The following ARHGAP42 variants were observed in gnomAD, a reference collection of about 807,000 sequenced individuals.
ARHGAP42 encodes the protein Rho GTPase activating protein 42.
Under a neutral mutation model 125.0 loss-of-function variants are expected in ARHGAP42, and 63 were observed. That is an observed-to-expected ratio of 0.50 (90% CI 0.41 to 0.62). The LOEUF is 0.62. Ranked by LOEUF, ARHGAP42 falls within the 20% of genes least tolerant of loss-of-function variation. The pLI is 0.00. For missense variants in ARHGAP42, 766 were observed against 1,024.2 expected (o/e 0.75, Z 3.44); for synonymous variants, 339 against 351.0 (o/e 0.97, Z 0.38).
chr11:100,861,625 TTAG>T (rs1305600733), intron 4 of ARHGAP42, among the ~76,000 whole-genome samples: 2 of 152,084 alleles, frequency 1.3e-5, no homozygotes, highest in African/African-American at 4.8e-5. Flanking sequence ...TACTGGAAAG[TTAG>T]TAGGAGAAGG....
At chr11:100,937,727 A>T (rs1867771844) in intron 8 of ARHGAP42, among the ~76,000 whole-genome samples, 1 of 152,224 alleles carries the variant, frequency 6.6e-6, no homozygotes, top group Non-Finnish European at 1.5e-5. Flanking sequence ...GTGGGCACAC[A>T]ATATTTTATT....
chr11:100,939,760 G>T (rs191183081), intron 8 of ARHGAP42, among the ~76,000 whole-genome samples: 255 of 152,212 alleles, frequency 1.7e-3, no homozygotes, highest in Middle Eastern at 3.4e-3. Context: ...AAGAACATCT[G>T]CCCTGGCCTA....
At chr11:100,940,794 A>G (rs997985293) in intron 8 of ARHGAP42, among the ~76,000 whole-genome samples, 5 of 151,906 alleles carry the variant, frequency 3.3e-5, no homozygotes, top group South Asian at 2.1e-4. Flanking sequence ...TCATTTGTCA[A>G]TATTGACTGA....
chr11:100,699,408 T>G (rs1302564405), intron 1 of ARHGAP42, among the ~76,000 whole-genome samples: 1 of 148,952 alleles, frequency 6.7e-6, no homozygotes, highest in Non-Finnish European at 1.5e-5. Flanking sequence ...TTTCTCTGTC[T>G]GCATTAATAT....
intron 22 of ARHGAP42, among the ~76,000 whole-genome samples, chr11:100,985,194 A>C (rs530170112): frequency 6.6e-6 from 1 of 152,328 alleles, no homozygotes; most frequent in East Asian, 1.9e-4. Flanking sequence ...GTACATTTTA[A>C]AGTGTAGTTT....
intron 3 of ARHGAP42, among the ~76,000 whole-genome samples, chr11:100,797,953 A>G (rs774549988): frequency 4.6e-5 from 7 of 152,212 alleles, no homozygotes; most frequent in Non-Finnish European, 7.3e-5. Context: ...AGTTGATTCC[A>G]GCCCTCATGG....
intron 4 of ARHGAP42, among the ~76,000 whole-genome samples, chr11:100,881,077 G>A (rs981373845): frequency 6.6e-6 from 1 of 152,096 alleles, no homozygotes; most frequent in East Asian, 1.9e-4. Context: ...CCATGGAAAA[G>A]CTCTTTAGTT....
At chr11:100,767,676 G>A (rs922600952) in intron 1 of ARHGAP42, among the ~76,000 whole-genome samples, 1 of 151,940 alleles carries the variant, frequency 6.6e-6, no homozygotes, top group Admixed American at 6.6e-5. Flanking sequence ...AGAGAAAGAA[G>A]GATATCCATC....
At chr11:100,921,647 C>A in intron 6 of ARHGAP42, 43 bp downstream of exon 6, 1 of 1,214,968 alleles carries the variant, frequency 8.2e-7, no homozygotes, top group Non-Finnish European at 1.1e-6. Flanking sequence ...TCAAAACAAT[C>A]TATGGAAAAA....
At chr11:100,909,847 G>A (rs181605466) in intron 4 of ARHGAP42, among the ~76,000 whole-genome samples, 1 of 152,202 alleles carries the variant, frequency 6.6e-6, no homozygotes, top group African/African-American at 2.4e-5. Context: ...GTAAGAGTGT[G>A]TATTTTAATA....
intron 4 of ARHGAP42, among the ~76,000 whole-genome samples, chr11:100,905,284 G>A (rs1405081994): frequency 6.6e-6 from 1 of 152,200 alleles, no homozygotes; most frequent in Non-Finnish European, 1.5e-5. Context: ...ACAAGTATTT[G>A]CCTTCAGGGA....
intron 3 of ARHGAP42, among the ~76,000 whole-genome samples, chr11:100,832,330 A>G (rs1399344276): frequency 6.6e-6 from 1 of 152,260 alleles, no homozygotes; most frequent in Non-Finnish European, 1.5e-5. Flanking sequence ...GCAGCAGAGC[A>G]GAGACATGCA....
chr11:100,702,389 G>A (rs1216743), intron 1 of ARHGAP42, among the ~76,000 whole-genome samples: 115,316 of 151,944 alleles, frequency 0.76, 44,894 homozygotes, highest in African/African-American at 0.93. Context: ...AACAATTACA[G>A]TGGTAACGTC....
chr11:100,921,188 T>C (rs1258000164), intron 5 of ARHGAP42, among the ~76,000 whole-genome samples: 1 of 141,270 alleles, frequency 7.1e-6, no homozygotes, highest in Non-Finnish European at 1.5e-5. Flanking sequence ...TTTACATTTA[T>C]ATACCCCTCT....
intron 3 of ARHGAP42, among the ~76,000 whole-genome samples, chr11:100,846,928 G>A (rs1215807869): frequency 6.6e-6 from 1 of 152,142 alleles, no homozygotes; most frequent in Admixed American, 6.6e-5. Flanking sequence ...TGGCATGCCA[G>A]ACCCCTGTTA....
intron 1 of ARHGAP42, among the ~76,000 whole-genome samples, chr11:100,739,284 T>C (rs1349441865): frequency 6.6e-6 from 1 of 152,164 alleles, no homozygotes; most frequent in African/African-American, 2.4e-5. Context: ...CTTGGATTTT[T>C]TTTTTTTAGT....
chr11:100,799,937 G>C (rs1366820562), intron 3 of ARHGAP42, among the ~76,000 whole-genome samples: 1 of 152,134 alleles, frequency 6.6e-6, no homozygotes, highest in Admixed American at 6.6e-5. Flanking sequence ...TGTTATGAAG[G>C]AGTGGTTATT....
chr11:100,979,727 A>G (rs891772802), intron 22 of ARHGAP42, among the ~76,000 whole-genome samples: 4 of 151,030 alleles, frequency 2.6e-5, no homozygotes, highest in Admixed American at 6.6e-5. Flanking sequence ...ATCAGCTGCT[A>G]GTACAGGTAG....
At chr11:100,979,670 T>C (rs1371525797) in intron 22 of ARHGAP42, among the ~76,000 whole-genome samples, 1 of 150,636 alleles carries the variant, frequency 6.6e-6, no homozygotes, top group African/African-American at 2.5e-5. Flanking sequence ...ATTTGAATAA[T>C]GGAATTTCAT....
Sources: allele counts gnomAD v4.1 joint callset (sites outside exome capture counted in the v4.1 genomes callset), GRCh38; gene constraint gnomAD v4.1.1; transcripts MANE v1.5; gene names NCBI Gene and HGNC (gene_info 2026-07-23, HGNC 2026-07-21).